Variants in ZNF804B observed in about 807,000 individuals in gnomAD.
The protein encoded by ZNF804B is zinc finger 804B.
In ZNF804B, 80 loss-of-function variants were observed where a neutral mutation model predicts 101.4. The ratio of observed to expected loss-of-function variants is 0.79; its 90% CI spans 0.66 to 0.95. The LOEUF is 0.95. Among genes scored for constraint, ZNF804B ranks in the 40% least tolerant of loss-of-function variants. ZNF804B has a pLI of 0.00. For synonymous variants in ZNF804B, 622 were observed against 558.8 expected, an observed-to-expected ratio of 1.11 and a Z score of -1.59; for missense variants, 1,673 against 1,561.9, an observed-to-expected ratio of 1.07 and a Z score of -1.20.
In ZNF804B at chr7:88,914,989, A is replaced by T. The variant is rs529019351; in HGVS notation, c.108+154905A>T. On this transcript the variant is annotated intron_variant, in intron 1 of 3. Transcript: ENST00000333190. Reference sequence around the variant, plus strand: ...TCAGATTTAACTGAATCTATTTTTAAAAAACTTAAGTAGAATATAGCACAT... The same window carrying T: ...TCAGATTTAACTGAATCTATTTTTATAAAACTTAAGTAGAATATAGCACAT... 4.6e-5 allele frequency among the ~76,000 whole-genome samples: 7 copies of T among 152,282 alleles called. No individual in the cohort carries two copies. The South Asian group carries it at 1.4e-3, about 32-fold the overall frequency.
intron 1 of ZNF804B, among the ~76,000 whole-genome samples, chr7:89,085,172 C>A (rs1051772356): frequency 6.6e-6 from 1 of 151,930 alleles, no homozygotes; most frequent in East Asian, 1.9e-4. Flanking sequence ...AAAATCGAAG[C>A]TGCCTTTGTT....
At chr7:89,012,289 G>A (rs567494665) in intron 1 of ZNF804B, among the ~76,000 whole-genome samples, 70 of 152,122 alleles carry the variant, frequency 4.6e-4, no homozygotes, top group Non-Finnish European at 8.5e-4. Flanking sequence ...AGGGGCTGCC[G>A]TGAAGACTTC....
intron 1 of ZNF804B, among the ~76,000 whole-genome samples, chr7:88,760,896 TAATA>T (rs1789884926): frequency 7.6e-6 from 1 of 130,852 alleles, no homozygotes; most frequent in South Asian, 2.5e-4. Context: ...TATATATATA[TAATA>T]AATATATATA....
intron 1 of ZNF804B, among the ~76,000 whole-genome samples, chr7:89,178,786 A>T (rs1317017013): frequency 6.6e-6 from 1 of 152,038 alleles, no homozygotes; most frequent in Non-Finnish European, 1.5e-5. Flanking sequence ...AAGATTTCTT[A>T]TTGCTTATTA....
chr7:89,203,391 A>C (rs1455827229), intron 1 of ZNF804B, among the ~76,000 whole-genome samples: 12 of 152,192 alleles, frequency 7.9e-5, no homozygotes. Flanking sequence ...TTGTATGCGA[A>C]GACTATTTAA....
intron 2 of ZNF804B, among the ~76,000 whole-genome samples, chr7:89,299,154 C>T (rs942583498): frequency 5.9e-5 from 9 of 152,020 alleles, no homozygotes; most frequent in Non-Finnish European, 1.2e-4. Flanking sequence ...ATTTTAAACT[C>T]ATGTGCAAGA....
intron 1 of ZNF804B, among the ~76,000 whole-genome samples, chr7:89,121,566 A>G (rs1790406365): frequency 6.6e-6 from 1 of 152,234 alleles, no homozygotes; most frequent in Non-Finnish European, 1.5e-5. Flanking sequence ...ACATGTTAAT[A>G]CTTTTAAATT....
At chr7:89,230,156 A>G (rs745563831) in intron 2 of ZNF804B, among the ~76,000 whole-genome samples, 1 of 152,084 alleles carries the variant, frequency 6.6e-6, no homozygotes, top group South Asian at 2.1e-4. Context: ...CAAAGTAAAC[A>G]GAAGAGATAA....
At chr7:88,769,142 A>G (rs1790027403) in intron 1 of ZNF804B, among the ~76,000 whole-genome samples, 1 of 152,218 alleles carries the variant, frequency 6.6e-6, no homozygotes, top group African/African-American at 2.4e-5. Flanking sequence ...CAATTGGGAT[A>G]ATTATCCTTG....
At chr7:89,043,568 T>C (rs569253428) in intron 1 of ZNF804B, among the ~76,000 whole-genome samples, 1 of 152,306 alleles carries the variant, frequency 6.6e-6, no homozygotes, top group South Asian at 2.1e-4. Context: ...CCATAAAATG[T>C]CATGGTTGAT....
At chr7:89,082,587 CTCT>C (rs1315571160) in intron 1 of ZNF804B, among the ~76,000 whole-genome samples, 3 of 151,660 alleles carry the variant, frequency 2.0e-5, no homozygotes, top group Admixed American at 1.3e-4. Flanking sequence ...AAACTAGTAA[CTCT>C]TCTTCTTTGA....
intron 1 of ZNF804B, among the ~76,000 whole-genome samples, chr7:89,103,399 A>C (rs1029712047): frequency 1.3e-5 from 2 of 151,478 alleles, no homozygotes; most frequent in African/African-American, 4.8e-5. Flanking sequence ...TTCATAATTT[A>C]TTTCATCAGT....
intron 1 of ZNF804B, among the ~76,000 whole-genome samples, chr7:88,852,443 A>G (rs892958501): frequency 3.9e-5 from 6 of 152,026 alleles, no homozygotes; most frequent in African/African-American, 1.4e-4. Flanking sequence ...AGCCTGATTT[A>G]TGAGTACCCA....
chr7:88,813,295 C>T (rs1031118172), intron 1 of ZNF804B, among the ~76,000 whole-genome samples: 14 of 151,416 alleles, frequency 9.2e-5, no homozygotes, highest in Non-Finnish European at 1.3e-4. Context: ...GGCGTGGTGG[C>T]GGGCGCATGT....
chr7:89,009,545 G>T (rs1788421872), intron 1 of ZNF804B, among the ~76,000 whole-genome samples: 1 of 152,148 alleles, frequency 6.6e-6, no homozygotes, highest in Non-Finnish European at 1.5e-5. Context: ...GTTCAAATTT[G>T]AAATCTTAAC....
chr7:88,914,486 C>T lies in ZNF804B; in HGVS notation c.108+154402C>T, dbSNP rs540178246. ...TGAAGTGGAATACCAATTTTTTGAC[C>T]CTAGCCAGCAGTGCCTGATCATTCC... On this transcript the variant is annotated intron_variant, in intron 1 of 3. Transcript: ENST00000333190. 3.9e-5 allele frequency among the ~76,000 whole-genome samples: 6 copies of T among 152,130 alleles called. No individual in the cohort carries two copies. In the South Asian group the frequency reaches 1.2e-3, roughly 32 times the overall value.
At chr7:89,082,400 C>T (rs577916611) in intron 1 of ZNF804B, among the ~76,000 whole-genome samples, 1 of 151,566 alleles carries the variant, frequency 6.6e-6, no homozygotes, top group Admixed American at 6.6e-5. Context: ...ATTTTTCTTA[C>T]AAGCACCTAT....
At chr7:88,808,040 C>T (rs1790719058) in intron 1 of ZNF804B, among the ~76,000 whole-genome samples, 1 of 152,124 alleles carries the variant, frequency 6.6e-6, no homozygotes, top group African/African-American at 2.4e-5. Context: ...AATGACACCA[C>T]ATTGAAGGCC....
intron 3 of ZNF804B, among the ~76,000 whole-genome samples, chr7:89,332,955 A>T (rs543159114): frequency 5.9e-5 from 9 of 151,962 alleles, no homozygotes; most frequent in Admixed American, 2.0e-4. Context: ...ATTTAAAAAA[A>T]TTTTTATATT....
Sources: gnomAD v4.1 joint callset for allele counts (sites outside exome capture counted in the v4.1 genomes callset) on GRCh38, gnomAD v4.1.1 for gene constraint, MANE v1.5 for transcripts, NCBI Gene and HGNC (gene_info 2026-07-23, HGNC 2026-07-21) for gene names.